NOL4L: variants seen among roughly 807,000 people sequenced by gnomAD.
The protein encoded by NOL4L is nucleolar protein 4-like.
NOL4L carries 7 observed loss-of-function variants against 64.5 expected under a neutral mutation model. That is an observed-to-expected ratio of 0.11 (90% CI 0.06 to 0.20). NOL4L has a LOEUF of 0.20. Among genes scored for constraint, NOL4L ranks in the 10% least tolerant of loss-of-function variants. The pLI, the probability that NOL4L is intolerant of heterozygous loss-of-function variation, is 1.00. For missense variants in NOL4L, 680 were observed against 967.1 expected (o/e 0.70, Z 3.94); for synonymous variants, 413 against 401.0 (o/e 1.03, Z -0.36).
At chr20:32,473,490 G>A (rs1487091094) in intron 5 of NOL4L, among the ~76,000 whole-genome samples, 15 of 152,134 alleles carry the variant, frequency 9.9e-5, no homozygotes, top group Non-Finnish European at 2.9e-5. Flanking sequence ...CGGCAGCCAC[G>A]CACCCCACTC....
At chr20:32,555,652 G>A (rs1035114973) in intron 1 of NOL4L, among the ~76,000 whole-genome samples, 13 of 152,134 alleles carry the variant, frequency 8.5e-5, no homozygotes, top group South Asian at 2.1e-4. Flanking sequence ...AGTGTGGGCC[G>A]CACTCTAATA....
intron 1 of NOL4L, chr20:32,536,476 C>G (rs1600852171): frequency 5.2e-5 from 4 of 77,028 alleles, no homozygotes; most frequent in Non-Finnish European, 9.7e-5. Flanking sequence ...GACAGCTGCT[C>G]GGGCGGGGGG....
chr20:32,478,137 CA>C (rs2015506404), intron 4 of NOL4L, among the ~76,000 whole-genome samples: 1 of 152,108 alleles, frequency 6.6e-6, no homozygotes, highest in Non-Finnish European at 1.5e-5. Context: ...CACCATGGGC[CA>C]CCTCACCACA....
rs1447633122 is a variant in NOL4L at position 32,463,910 on chromosome 20, G to A, written c.842-7515C>T. ...CCCTGGGACCACAGGCCAGGTACACGGCCACTGGAGGCCAGCAGGCCCTGC... is the reference window on the plus strand; with the variant it reads ...CCCTGGGACCACAGGCCAGGTACACAGCCACTGGAGGCCAGCAGGCCCTGC... On this transcript the variant is annotated intron_variant, in intron 5 of 10. Coordinates refer to ENST00000621426, the MANE Select transcript of NOL4L (RefSeq NM_001256798.2). The surrounding 1 kb of genome is among the most constrained non-coding windows in gnomAD (Gnocchi z 5.8). 6.6e-6 allele frequency among the ~76,000 whole-genome samples: 1 copy of A among 152,168 alleles called. No homozygotes were observed. The highest frequency in any genetic ancestry group is 2.4e-5 in the African/African-American group (1 of 41,434).
At chr20:32,492,522 C>T (rs1265469434) in intron 4 of NOL4L, among the ~76,000 whole-genome samples, 2 of 152,154 alleles carry the variant, frequency 1.3e-5, no homozygotes, top group Non-Finnish European at 2.9e-5. Flanking sequence ...GTGAACTTGG[C>T]TGAGCTGTGA....
chr20:32,478,273 A>ACACACACT (rs1373957221), intron 4 of NOL4L, among the ~76,000 whole-genome samples: 9 of 143,332 alleles, frequency 6.3e-5, no homozygotes, highest in African/African-American at 2.1e-4. Context: ...ACACACACAC[A>ACACACACT]CTCTCTCTCT....
intron 2 of NOL4L, among the ~76,000 whole-genome samples, chr20:32,525,906 C>A (rs1002227647): frequency 6.6e-6 from 1 of 152,160 alleles, no homozygotes; most frequent in Non-Finnish European, 1.5e-5. Context: ...TATAGGCATG[C>A]GCCACCATGC....
chr20:32,450,533 C>G (rs1409529057), intron 10 of NOL4L: 1 of 152,342 alleles, frequency 6.6e-6, no homozygotes, highest in African/African-American at 2.4e-5. Context: ...AGCTGCCTCC[C>G]TGGAAGAATC....
chr20:32,487,133 T>G lies in NOL4L; in HGVS notation c.700-12391A>C, dbSNP rs970778266. Reference sequence around the variant, plus strand: ...AAAACACAAAATTGGACGGGCGTGGTGGCACACACCTGTAATCCCAGCTAC... The same window carrying G: ...AAAACACAAAATTGGACGGGCGTGGGGGCACACACCTGTAATCCCAGCTAC... On this transcript the variant is annotated intron_variant, in intron 4 of 10. Transcript: ENST00000621426. 2.6e-5 allele frequency among the ~76,000 whole-genome samples: 4 copies of G among 152,094 alleles called. No homozygotes were observed. In the South Asian group the frequency reaches 8.3e-4, roughly 32 times the overall value.
intron 1 of NOL4L, among the ~76,000 whole-genome samples, chr20:32,544,837 CA>C (rs2018710502): frequency 6.6e-6 from 1 of 152,256 alleles, no homozygotes; most frequent in Admixed American, 6.5e-5. Flanking sequence ...TAAAATCCAT[CA>C]CAAATAGCTT....
chr20:32,470,031 T>C (rs1271957429), intron 5 of NOL4L, among the ~76,000 whole-genome samples: 1 of 152,220 alleles, frequency 6.6e-6, no homozygotes, highest in African/African-American at 2.4e-5. Context: ...CACCAGGCCC[T>C]GACCTGCCCC....
chr20:32,519,500 G>C (rs536024983), intron 3 of NOL4L: 1 of 151,952 alleles, frequency 6.6e-6, no homozygotes, highest in African/African-American at 2.4e-5. Flanking sequence ...CCACAGGCCC[G>C]ATGCCCGGGA....
chr20:32,566,555 C>T (rs1979441672), intron 1 of NOL4L, among the ~76,000 whole-genome samples: 1 of 152,130 alleles, frequency 6.6e-6, no homozygotes, highest in South Asian at 2.1e-4. Context: ...GGACACTGGC[C>T]TCCTTGCAGT....
chr20:32,480,149 C>A (rs1398791185), intron 4 of NOL4L, among the ~76,000 whole-genome samples: 1 of 152,194 alleles, frequency 6.6e-6, no homozygotes, highest in Non-Finnish European at 1.5e-5. Context: ...GTTCCTGGTG[C>A]CTCTGAAGTT....
At chr20:32,512,253 A>G (rs1037523974) in intron 3 of NOL4L, among the ~76,000 whole-genome samples, 5 of 152,256 alleles carry the variant, frequency 3.3e-5, no homozygotes, top group Admixed American at 2.0e-4. Context: ...GCAAGTATCA[A>G]TTATGATACT....
Position 32,452,927 on chromosome 20 carries a change from TTTC to T in NOL4L, c.1574_1576del (p.Arg525del), listed in dbSNP as rs2013079413. The T allele has an allele frequency of 6.2e-7, 1 of 1,614,074 alleles. No homozygotes were observed. Among genetic ancestry groups the T allele is most frequent in the Non-Finnish European group, 8.5e-7 (1 of 1,180,010 alleles). Reference sequence around the variant, plus strand: ...CTCTAGACGCATCCGCTTGGCTGCCTTTCTTGTCTCGCTCTCACAGGCAGCTGC... The same window carrying T: ...CTCTAGACGCATCCGCTTGGCTGCCTTTGTCTCGCTCTCACAGGCAGCTGC... On this transcript the variant is annotated inframe_deletion, in exon 9 of 11. Transcript: ENST00000621426.
At chr20:32,488,842 T>A (rs982657426) in intron 4 of NOL4L, among the ~76,000 whole-genome samples, 1 of 83,458 alleles carries the variant, frequency 1.2e-5, no homozygotes, top group South Asian at 3.7e-4. Flanking sequence ...TTTCTTTCTT[T>A]CTTTCTTTCT....
rs563159171 is a variant in NOL4L at position 32,581,724 on chromosome 20, C to G, written c.321+2846G>C. On this transcript the variant is annotated intron_variant, in intron 1 of 10. Coordinates refer to ENST00000621426, the MANE Select transcript of NOL4L (RefSeq NM_001256798.2). ...CCCCGACAGCTGGGTGACCTGGGAG[C>G]AGGCACACAGCCCCACCCACCCGAG... Among the ~76,000 whole-genome samples the G allele has an allele frequency of 2.0e-5, 3 of 152,294 alleles. No individual in the cohort carries two copies. In the South Asian group the frequency reaches 6.2e-4, roughly 32 times the overall value.
rs550209072 is a variant in NOL4L, at chr20:32,515,422, C to G, written c.590-3966G>C. 2.0e-5 allele frequency among the ~76,000 whole-genome samples: 3 copies of G among 152,138 alleles called. No individual in the cohort carries two copies. In the East Asian group the frequency reaches 5.8e-4, roughly 29 times the overall value. On this transcript the variant is annotated intron_variant, in intron 3 of 10. Transcript: ENST00000621426. Reference sequence around the variant, plus strand: ...CTAGGTGAGGAAATGAGCCATGGAGCCATGGGTGGGAGGTCAGAGCTCAAC... The same window carrying G: ...CTAGGTGAGGAAATGAGCCATGGAGGCATGGGTGGGAGGTCAGAGCTCAAC...
Sources: gnomAD v4.1 joint callset for allele counts (sites outside exome capture counted in the v4.1 genomes callset) on GRCh38, gnomAD v4.1.1 for gene constraint, Gnocchi (gnomAD v3.1) non-coding constraint, MANE v1.5 for transcripts, NCBI Gene and HGNC (gene_info 2026-07-23, HGNC 2026-07-21) for gene names.